RAC1: variants seen among roughly 807,000 people sequenced by gnomAD.
RAC1 encodes ras-related C3 botulinum toxin substrate 1.
In RAC1, 2 loss-of-function variants were observed where a neutral mutation model predicts 25.2. The ratio of observed to expected loss-of-function variants is 0.08; its 90% CI spans 0.03 to 0.25. The LOEUF (loss-of-function observed/expected upper bound fraction) is 0.25, where lower values mean the gene tolerates loss of function less well. RAC1 is among the 10% of genes least tolerant of loss of function. The probability of loss-of-function intolerance (pLI) is 1.00; values close to 1 mark genes in which losing one functional copy is unlikely to be tolerated. For missense variants in RAC1, 50 were observed against 235.7 expected, an observed-to-expected ratio of 0.21 and a Z score of 5.16; for synonymous variants, 88 against 94.0, an observed-to-expected ratio of 0.94 and a Z score of 0.37.
chr7:6,385,541 T>C (rs1233883271), intron 1 of RAC1, among the ~76,000 whole-genome samples: 1 of 152,206 alleles, frequency 6.6e-6, no homozygotes, highest in Non-Finnish European at 1.5e-5. Context: ...TTTAACGAAA[T>C]GTATGTCCAA....
At chr7:6,391,878 C>G (rs372730323) in intron 2 of RAC1, 46 bp from the exon 3 acceptor site, 2 of 1,613,360 alleles carry the variant, frequency 1.2e-6, no homozygotes, top group South Asian at 2.2e-5. Context: ...GGGACAGTGA[C>G]TTAGCTTCTA....
At chr7:6,400,319 A>T in intron 4 of RAC1, 131 bp downstream of exon 4, 2 of 837,130 alleles carry the variant, frequency 2.4e-6, no homozygotes, top group Admixed American at 2.4e-5. Context: ...ACTTAAGTAC[A>T]TGATTGGGTT....
intron 1 of RAC1, among the ~76,000 whole-genome samples, chr7:6,378,540 C>G (rs557552908): frequency 6.6e-6 from 1 of 151,578 alleles, no homozygotes; most frequent in East Asian, 1.9e-4. Context: ...GAGCAAGGCT[C>G]TGTCTTGAAA....
intron 1 of RAC1, among the ~76,000 whole-genome samples, chr7:6,385,883 C>G (rs1366979386): frequency 6.6e-6 from 1 of 152,214 alleles, no homozygotes; most frequent in Non-Finnish European, 1.5e-5. Flanking sequence ...AAGGAGAGCA[C>G]TTGGCTAACT....
At chr7:6,382,777 G>T (rs1268803220) in intron 1 of RAC1, among the ~76,000 whole-genome samples, 5 of 152,240 alleles carry the variant, frequency 3.3e-5, no homozygotes, top group Non-Finnish European at 5.9e-5. Context: ...GGAGGCTGAG[G>T]CAGGAGAATT....
intron 2 of RAC1, 67 bp from the exon 3 acceptor site, chr7:6,391,857 C>G: frequency 1.2e-6 from 2 of 1,608,954 alleles, no homozygotes; most frequent in Non-Finnish European, 1.7e-6. Flanking sequence ...CACACCTTCT[C>G]TAGGATGGCT....
intron 3 of RAC1, among the ~76,000 whole-genome samples, chr7:6,397,850 G>A (rs1220444432): frequency 6.6e-6 from 1 of 152,154 alleles, no homozygotes; most frequent in African/African-American, 2.4e-5. Context: ...TTAGCTGGGC[G>A]TGGTGGTGTG....
chr7:6,400,698 G>C (rs957560341), intron 4 of RAC1, among the ~76,000 whole-genome samples: 6 of 150,024 alleles, frequency 4.0e-5, no homozygotes, highest in African/African-American at 1.5e-4. Flanking sequence ...TTTTTGAGAT[G>C]GAGTTTCACT....
chr7:6,401,669 C>G, intron 4 of RAC1, 199 bp from the exon 5 acceptor site: 1 of 483,902 alleles, frequency 2.1e-6, no homozygotes, highest in Non-Finnish European at 3.7e-6. Flanking sequence ...ATCCGGGAGT[C>G]CTAGCTTGCT....
intron 1 of RAC1, among the ~76,000 whole-genome samples, chr7:6,382,922 T>C (rs1782811335): frequency 6.6e-6 from 1 of 152,172 alleles, no homozygotes; most frequent in African/African-American, 2.4e-5. Context: ...ACATAAGTTA[T>C]TTGCTTTCAT....
intron 4 of RAC1, among the ~76,000 whole-genome samples, chr7:6,401,008 G>C (rs1184154383): frequency 1.3e-5 from 2 of 151,970 alleles, no homozygotes; most frequent in Admixed American, 6.6e-5. Context: ...CCAAGCTGGA[G>C]TGCAGTGGCA....
In RAC1 at chr7:6,392,193, T is replaced by TC. The variant is rs1168980118; in HGVS notation, c.225+157dup. 4 of 1,345,476 alleles carry TC rather than the reference T, an allele frequency of 3.0e-6. No individual in the cohort carries two copies. The African/African-American group carries it at 4.4e-5, about 15-fold the overall frequency. 83.3% of individuals were successfully genotyped at this position (1,345,476 alleles called of 1,614,324 possible). ...GGGTGGGATTGGTTCCATGTAAACA[T>TC]CCCCCTAGATGCAAGCCCAGGGGTT... On this transcript the variant is annotated intron_variant, in intron 3 of 5. Transcript: ENST00000348035.
chr7:6,402,248 C>T (rs1416975614), intron 5 of RAC1, 68 bp from the exon 6 acceptor site: 2 of 1,531,590 alleles, frequency 1.3e-6, no homozygotes, highest in East Asian at 4.5e-5. Context: ...GAGCTGCCTC[C>T]CGCTGGTGGT....
chr7:6,398,718 C>A (rs762760033), intron 3 of RAC1: 2 of 1,613,384 alleles, frequency 1.2e-6, no homozygotes, highest in Admixed American at 1.7e-5. Flanking sequence ...AGCCGATTGC[C>A]GTATGTAAAA....
At chr7:6,396,221 AC>A (rs1020904184) in intron 3 of RAC1, among the ~76,000 whole-genome samples, 1 of 152,142 alleles carries the variant, frequency 6.6e-6, no homozygotes, top group African/African-American at 2.4e-5. Flanking sequence ...AAACTGAGAG[AC>A]CCTGGAGAGA....
chr7:6,402,840 G>T lies in RAC1; in HGVS notation c.*394G>T, dbSNP rs947608448. ...TTGCAAAGACCTTCGTCTTTGAGAA[G>T]ACGGTAGCTTCTGCAGTTAGGAGGT... On this transcript the variant is annotated 3_prime_UTR_variant, in exon 6 of 6. Coordinates refer to ENST00000348035, the MANE Select transcript of RAC1 (RefSeq NM_006908.5). The T allele has an allele frequency of 1.5e-4, 31 of 203,074 alleles. No homozygotes were observed. The East Asian group carries it at 2.4e-3, about 16-fold the overall frequency. The allele number at this position is 203,074 out of a possible 1,614,324, so 12.6% of individuals were successfully genotyped here.
chr7:6,389,148 G>A (rs1437221121), intron 2 of RAC1, among the ~76,000 whole-genome samples: 1 of 151,522 alleles, frequency 6.6e-6, no homozygotes, highest in African/African-American at 2.4e-5. Flanking sequence ...GTTGCAGTGA[G>A]CCAAGATTGT....
intron 3 of RAC1, among the ~76,000 whole-genome samples, chr7:6,395,701 T>C (rs1362808348): frequency 6.6e-6 from 1 of 152,022 alleles, no homozygotes; most frequent in Non-Finnish European, 1.5e-5. Flanking sequence ...TAGTAACACC[T>C]CCACCAGGGC....
At chr7:6,381,931 A>C (rs1442151960) in intron 1 of RAC1, among the ~76,000 whole-genome samples, 1 of 152,120 alleles carries the variant, frequency 6.6e-6, no homozygotes, top group Non-Finnish European at 1.5e-5. Flanking sequence ...AATTTATTCA[A>C]TAAGTAGGAA....
Sources: allele counts gnomAD v4.1 joint callset (sites outside exome capture counted in the v4.1 genomes callset), GRCh38; gene constraint gnomAD v4.1.1; transcripts MANE v1.5; gene names NCBI Gene and HGNC (gene_info 2026-07-23, HGNC 2026-07-21).